Variants in CNKSR2 observed in about 807,000 individuals in gnomAD.
CNKSR2 encodes the protein CNK homolog protein 2.
Under a neutral mutation model 84.4 loss-of-function variants are expected in CNKSR2, and 14 were observed. The observed-to-expected ratio is 0.17, with a 90% CI of 0.11 to 0.26. The LOEUF (loss-of-function observed/expected upper bound fraction) is 0.26, where lower values mean the gene tolerates loss of function less well. Among genes scored for constraint, CNKSR2 ranks in the 10% least tolerant of loss-of-function variants. The probability of loss-of-function intolerance (pLI) is 1.00; values close to 1 mark genes in which losing one functional copy is unlikely to be tolerated. For missense variants in CNKSR2, 485 were observed against 771.2 expected (o/e 0.63, Z 4.40); for synonymous variants, 275 against 277.9 (o/e 0.99, Z 0.10).
chrX:21,516,657 A>T, intron 9 of CNKSR2, 26 bp downstream of exon 9: 1 of 1,173,145 alleles, frequency 8.5e-7, no homozygotes, highest in Non-Finnish European at 1.2e-6. Flanking sequence ...CATAAGTCAT[A>T]CACCATCATT....
chrX:21,564,143 G>A (rs1176925081), intron 13 of CNKSR2, among the ~76,000 whole-genome samples: 1 of 111,494 alleles, frequency 9.0e-6, no homozygotes, highest in Non-Finnish European at 1.9e-5. Flanking sequence ...TATGATTGCT[G>A]GTTTATTAAC....
chrX:21,494,654 G>C (rs949295643), intron 6 of CNKSR2: 1 of 110,914 alleles, frequency 9.0e-6, no homozygotes, highest in Non-Finnish European at 1.9e-5. Flanking sequence ...GTTCTGGGTG[G>C]TCCTCTGGGT....
intron 13 of CNKSR2, among the ~76,000 whole-genome samples, chrX:21,569,349 C>A (rs1165834369): frequency 2.7e-5 from 3 of 111,243 alleles, no homozygotes; most frequent in African/African-American, 9.8e-5. Context: ...AAAGTTTGCT[C>A]TATCAATTTA....
At chrX:21,482,533 C>G (rs2091332394) in intron 5 of CNKSR2, among the ~76,000 whole-genome samples, 1 of 111,946 alleles carries the variant, frequency 8.9e-6, no homozygotes, top group African/African-American at 3.2e-5. Flanking sequence ...AGCTTTAGGA[C>G]CTTTAAGTTT....
At chrX:21,560,441 G>C (rs935291685) in intron 11 of CNKSR2, among the ~76,000 whole-genome samples, 1 of 110,912 alleles carries the variant, frequency 9.0e-6, no homozygotes, top group Non-Finnish European at 1.9e-5. Flanking sequence ...GATAATGATA[G>C]TATAGTTCTC....
chrX:21,624,519 T>G (rs1042659067), intron 20 of CNKSR2, among the ~76,000 whole-genome samples: 25 of 107,646 alleles, frequency 2.3e-4, no homozygotes, highest in Admixed American at 7.8e-4. Flanking sequence ...TGTTTTTTTG[T>G]TTTTTTTTGA....
At chrX:21,537,441 A>G (rs1440125126) in intron 11 of CNKSR2, among the ~76,000 whole-genome samples, 5 of 111,522 alleles carry the variant, frequency 4.5e-5, no homozygotes, top group African/African-American at 1.6e-4. Context: ...TAGATGACCT[A>G]TCTAATGCTG....
At chrX:21,416,547 G>A (rs1765418622) in intron 1 of CNKSR2, among the ~76,000 whole-genome samples, 1 of 111,364 alleles carries the variant, frequency 9.0e-6, no homozygotes, top group African/African-American at 3.3e-5. Context: ...GTTCACCTGT[G>A]AAGCCATTAG....
Position 21,647,781 on chromosome X carries a change from A to G in CNKSR2, c.2693-1050A>G, listed in dbSNP as rs770525744. ...TTTTTGAAACTGTCAGAAAGCCTAAAATATTCACATGGACCATTGTGGAAT... is the reference window on the plus strand; with the variant it reads ...TTTTTGAAACTGTCAGAAAGCCTAAGATATTCACATGGACCATTGTGGAAT... On this transcript the variant is annotated intron_variant, in intron 20 of 21. Coordinates refer to ENST00000379510, the MANE Select transcript of CNKSR2 (RefSeq NM_014927.5). Among the ~76,000 whole-genome samples the G allele has an allele frequency of 5.6e-4, 63 of 111,793 alleles. 1 individual carries two copies. Among genetic ancestry groups the G allele is most frequent in the Non-Finnish European group, 9.8e-4 (52 of 53,059 alleles).
intron 1 of CNKSR2, among the ~76,000 whole-genome samples, chrX:21,389,319 A>G (rs748102933): frequency 1.3e-4 from 14 of 108,370 alleles, no homozygotes; most frequent in Non-Finnish European, 2.3e-4. Flanking sequence ...TAGCAATATA[A>G]CAAGGTTGGT....
At chrX:21,563,046 A>G (rs1452072025) in intron 12 of CNKSR2, among the ~76,000 whole-genome samples, 192 bp from the exon 13 acceptor site, 1 of 111,605 alleles carries the variant, frequency 9.0e-6, no homozygotes. Flanking sequence ...CATATTTTAT[A>G]AGTTAAATCA....
chrX:21,530,842 G>A (rs1367106640), intron 10 of CNKSR2, among the ~76,000 whole-genome samples: 1 of 110,508 alleles, frequency 9.0e-6, no homozygotes, highest in East Asian at 2.8e-4. Flanking sequence ...CTATCAAAAT[G>A]GGCTTAATCT....
chrX:21,482,396 C>G (rs1396052260), intron 5 of CNKSR2, among the ~76,000 whole-genome samples: 1 of 108,171 alleles, frequency 9.2e-6, no homozygotes, highest in East Asian at 2.8e-4. Context: ...CTTAACCTCT[C>G]ATGGATCCCC....
intron 8 of CNKSR2, among the ~76,000 whole-genome samples, chrX:21,514,671 T>C (rs937094236): frequency 1.8e-5 from 2 of 111,641 alleles, no homozygotes; most frequent in Non-Finnish European, 3.8e-5. Context: ...TCATTGAGAA[T>C]AGTTATGCTG....
At chrX:21,396,300 A>T (rs1289667695) in intron 1 of CNKSR2, among the ~76,000 whole-genome samples, 18 of 110,862 alleles carry the variant, frequency 1.6e-4, no homozygotes, top group Non-Finnish European at 3.8e-5. Flanking sequence ...ATGTAAATTG[A>T]TATGGAGTAT....
intron 20 of CNKSR2, among the ~76,000 whole-genome samples, chrX:21,632,992 C>T (rs1473411811): frequency 1.5e-4 from 11 of 73,693 alleles, no homozygotes; most frequent in Admixed American, 2.7e-4. Flanking sequence ...ATATAATATA[C>T]ACACACACAC....
intron 1 of CNKSR2, among the ~76,000 whole-genome samples, chrX:21,383,797 G>A (rs753940725): frequency 3.6e-5 from 4 of 110,932 alleles, no homozygotes; most frequent in East Asian, 5.6e-4. Flanking sequence ...TGGAAGCCTG[G>A]CTTAGATCCT....
intron 11 of CNKSR2, among the ~76,000 whole-genome samples, chrX:21,539,838 T>C (rs1315687694): frequency 1.8e-5 from 2 of 111,810 alleles, no homozygotes; most frequent in African/African-American, 6.5e-5. Context: ...TTAATGTAGA[T>C]ACTTGTAGAT....
intron 4 of CNKSR2, 47 bp from the exon 5 acceptor site, chrX:21,470,719 G>T (rs563007315): frequency 1.6e-6 from 1 of 630,183 alleles, no homozygotes; most frequent in South Asian, 3.3e-5. Flanking sequence ...ATTTTTAAAA[G>T]AATGCTTGAT....
Sources: gnomAD v4.1 joint callset for allele counts (sites outside exome capture counted in the v4.1 genomes callset) on GRCh38, gnomAD v4.1.1 for gene constraint, MANE v1.5 for transcripts, NCBI Gene and HGNC (gene_info 2026-07-23, HGNC 2026-07-21) for gene names.